Variants in SLC9C1 observed in about 807,000 individuals in gnomAD.
SLC9C1 encodes the protein solute carrier family 9 member C1, also known as sodium/hydrogen exchanger 10.
A neutral mutation model predicts 140.9 loss-of-function variants in SLC9C1; 97 were observed. The observed-to-expected ratio is 0.69, with a 90% CI of 0.58 to 0.82. The LOEUF is 0.82. Among genes scored for constraint, SLC9C1 ranks in the 40% least tolerant of loss-of-function variants. The pLI, the probability that SLC9C1 is intolerant of heterozygous loss-of-function variation, is 0.00. For missense variants in SLC9C1, 1,340 were observed against 1,389.3 expected, an observed-to-expected ratio of 0.96 and a Z score of 0.56; for synonymous variants, 440 against 442.6, an observed-to-expected ratio of 0.99 and a Z score of 0.07.
intron 16 of SLC9C1, among the ~76,000 whole-genome samples, chr3:112,207,833 A>T (rs144878379): frequency 8.0e-4 from 122 of 152,300 alleles, no homozygotes; most frequent in African/African-American, 2.8e-3. Context: ...CTAGAGAGAT[A>T]TAAAAATATC....
At chr3:112,293,661 A>T (rs935323141) in intron 1 of SLC9C1, among the ~76,000 whole-genome samples, 1 of 152,138 alleles carries the variant, frequency 6.6e-6, no homozygotes, top group African/African-American at 2.4e-5. Flanking sequence ...CTGACTCTGA[A>T]GGTGGGTGGG....
chr3:112,260,062 G>C (rs1451919332), intron 10 of SLC9C1, among the ~76,000 whole-genome samples: 1 of 151,984 alleles, frequency 6.6e-6, no homozygotes, highest in East Asian at 1.9e-4. Context: ...CTGATTTTCT[G>C]TCTAGTTGTT....
At chr3:112,187,221 A>G (rs528239935) in intron 20 of SLC9C1, among the ~76,000 whole-genome samples, 220 of 152,304 alleles carry the variant, frequency 1.4e-3, no homozygotes, top group East Asian at 9.6e-4. Context: ...AGGGACAACA[A>G]TAGTATCCAC....
chr3:112,161,384 T>C (rs1326312099), intron 26 of SLC9C1, among the ~76,000 whole-genome samples: 1 of 152,236 alleles, frequency 6.6e-6, no homozygotes, highest in Non-Finnish European at 1.5e-5. Context: ...GGTTTTCTTC[T>C]AGGGTTTTTA....
chr3:112,242,403 T>C (rs960872868), intron 11 of SLC9C1, among the ~76,000 whole-genome samples: 1 of 152,188 alleles, frequency 6.6e-6, no homozygotes, highest in Non-Finnish European at 1.5e-5. Flanking sequence ...CTGGAGGTCA[T>C]GTTAAGTGAA....
chr3:112,188,941 T>C (rs1253551144), intron 20 of SLC9C1, among the ~76,000 whole-genome samples: 1 of 152,238 alleles, frequency 6.6e-6, no homozygotes, highest in Non-Finnish European at 1.5e-5. Flanking sequence ...TGGTGTGAGA[T>C]GTTATCTCAC....
chr3:112,154,886 G>A, intron 27 of SLC9C1, 111 bp downstream of exon 27: 2 of 967,258 alleles, frequency 2.1e-6, no homozygotes, highest in Non-Finnish European at 3.1e-6. Context: ...TCTACAAAAT[G>A]ACTAGCAGAT....
intron 28 of SLC9C1, among the ~76,000 whole-genome samples, chr3:112,150,826 A>ATG (rs200365975): frequency 4.3e-4 from 17 of 39,624 alleles, no homozygotes; most frequent in Admixed American, 1.7e-3. Flanking sequence ...ATATACATAT[A>ATG]TATATATATA....
intron 28 of SLC9C1, among the ~76,000 whole-genome samples, chr3:112,146,912 A>G (rs2074812008): frequency 6.6e-6 from 1 of 152,192 alleles, no homozygotes; most frequent in Non-Finnish European, 1.5e-5. Flanking sequence ...GTCCCTCACT[A>G]GTATTGTATG....
intron 26 of SLC9C1, among the ~76,000 whole-genome samples, chr3:112,159,271 T>C (rs1208394526): frequency 6.6e-6 from 1 of 151,958 alleles, no homozygotes; most frequent in African/African-American, 2.4e-5. Flanking sequence ...GTCATCTAGG[T>C]GCAAGTTTTT....
At chr3:112,151,429 T>G (rs1234080363) in intron 28 of SLC9C1, 10 of 519,006 alleles carry the variant, frequency 1.9e-5, no homozygotes, top group Middle Eastern at 3.2e-4. Flanking sequence ...TCAGCTGGTG[T>G]TATCCACAGT....
intron 13 of SLC9C1, among the ~76,000 whole-genome samples, chr3:112,223,846 C>T (rs752488851): frequency 6.6e-6 from 1 of 152,172 alleles, no homozygotes; most frequent in Non-Finnish European, 1.5e-5. Flanking sequence ...AAATCACAGT[C>T]TTTAGCCTAA....
intron 28 of SLC9C1, among the ~76,000 whole-genome samples, chr3:112,143,239 A>G (rs998079837): frequency 3.4e-5 from 5 of 148,106 alleles, no homozygotes; most frequent in East Asian, 1.9e-4. Flanking sequence ...ATTTGTGTAT[A>G]TATATATATA....
intron 16 of SLC9C1, among the ~76,000 whole-genome samples, chr3:112,207,054 T>C (rs1192105869): frequency 6.6e-6 from 1 of 152,178 alleles, no homozygotes; most frequent in Admixed American, 6.5e-5. Flanking sequence ...TAAATGATCA[T>C]ACTAATTTGA....
At chr3:112,168,448 C>T (rs949154328) in intron 25 of SLC9C1, among the ~76,000 whole-genome samples, 1 of 151,980 alleles carries the variant, frequency 6.6e-6, no homozygotes, top group Admixed American at 6.6e-5. Context: ...TATGAGAAGA[C>T]ATTCACTTTC....
intron 28 of SLC9C1, 99 bp from the exon 29 acceptor site, chr3:112,141,380 G>T (rs994343874): frequency 8.0e-7 from 1 of 1,245,074 alleles, no homozygotes; most frequent in South Asian, 1.7e-5. Flanking sequence ...GGGTCAATTT[G>T]ACTCCCATAA....
At chr3:112,196,031 C>G (rs997797927) in intron 20 of SLC9C1, among the ~76,000 whole-genome samples, 9 of 152,088 alleles carry the variant, frequency 5.9e-5, no homozygotes, top group African/African-American at 2.2e-4. Flanking sequence ...TGTCTAGTGT[C>G]CTTCCATTTA....
intron 12 of SLC9C1, among the ~76,000 whole-genome samples, chr3:112,236,733 A>C (rs188931360): frequency 6.7e-4 from 102 of 152,312 alleles, no homozygotes; most frequent in African/African-American, 2.3e-3. Context: ...TGTACCCAGT[A>C]GTCATTCAGG....
chr3:112,256,939 C>G (rs966959614), intron 10 of SLC9C1, among the ~76,000 whole-genome samples: 4 of 152,126 alleles, frequency 2.6e-5, no homozygotes, highest in Non-Finnish European at 5.9e-5. Flanking sequence ...AGAGCCAAAT[C>G]AAGAATTCAA....
Sources: allele counts gnomAD v4.1 joint callset (sites outside exome capture counted in the v4.1 genomes callset), GRCh38; gene constraint gnomAD v4.1.1; transcripts MANE v1.5; gene names NCBI Gene and HGNC (gene_info 2026-07-23, HGNC 2026-07-21).